Variants in NELL1 observed in about 807,000 individuals in gnomAD.
NELL1 encodes the protein neural EGFL like 1.
A neutral mutation model predicts 107.4 loss-of-function variants in NELL1; 76 were observed. That is an observed-to-expected ratio of 0.71 (90% CI 0.59 to 0.86). The LOEUF is 0.86. Among genes scored for constraint, NELL1 ranks in the 40% least tolerant of loss-of-function variants. The pLI, the probability that NELL1 is intolerant of heterozygous loss-of-function variation, is 0.00. For missense variants in NELL1, 1,024 were observed against 1,005.5 expected, an observed-to-expected ratio of 1.02 and a Z score of -0.25; for synonymous variants, 353 against 341.2, an observed-to-expected ratio of 1.03 and a Z score of -0.38.
chr11:20,938,311 T>C (rs1418885741), intron 10 of NELL1, among the ~76,000 whole-genome samples: 2 of 152,174 alleles, frequency 1.3e-5, no homozygotes, highest in African/African-American at 4.8e-5. Flanking sequence ...AGATCATAGA[T>C]CTCATTCAAT....
chr11:21,245,204 A>C (rs931853403), intron 14 of NELL1, among the ~76,000 whole-genome samples: 1 of 152,074 alleles, frequency 6.6e-6, no homozygotes, highest in South Asian at 2.1e-4. Context: ...AAAACTACTC[A>C]TAGTTTTCCA....
intron 2 of NELL1, among the ~76,000 whole-genome samples, chr11:20,739,925 G>C (rs1038469979): frequency 2.6e-5 from 4 of 152,150 alleles, no homozygotes; most frequent in Non-Finnish European, 5.9e-5. Context: ...TTACCCTCAA[G>C]CGCCATCGTT....
intron 15 of NELL1, among the ~76,000 whole-genome samples, chr11:21,455,910 G>A (rs1355541993): frequency 6.7e-6 from 1 of 148,228 alleles, no homozygotes; most frequent in Non-Finnish European, 1.5e-5. Flanking sequence ...TGTTTTTGAG[G>A]TGGAGTCTCG....
At chr11:21,215,075 T>G (rs1230441698) in intron 13 of NELL1, among the ~76,000 whole-genome samples, 1 of 152,184 alleles carries the variant, frequency 6.6e-6, no homozygotes, top group Admixed American at 6.5e-5. Flanking sequence ...TGAATTGTCA[T>G]TCCCATAATC....
At chr11:21,375,960 A>G (rs1851465839) in intron 15 of NELL1, among the ~76,000 whole-genome samples, 1 of 151,824 alleles carries the variant, frequency 6.6e-6, no homozygotes, top group Non-Finnish European at 1.5e-5. Flanking sequence ...CTTTGTTGGA[A>G]GCATAGTTTG....
intron 15 of NELL1, among the ~76,000 whole-genome samples, chr11:21,466,310 A>C (rs573107963): frequency 1.0e-3 from 156 of 152,256 alleles, no homozygotes; most frequent in Non-Finnish European, 1.6e-3. Flanking sequence ...CATAAGGGAT[A>C]GGTCTAGAGG....
chr11:20,993,023 CG>C (rs1173941690), intron 12 of NELL1, among the ~76,000 whole-genome samples: 1 of 152,032 alleles, frequency 6.6e-6, no homozygotes, highest in Non-Finnish European at 1.5e-5. Context: ...TTGTGTTAGG[CG>C]GTTTGTGGCA....
chr11:21,161,614 C>T (rs1321594048), intron 13 of NELL1, among the ~76,000 whole-genome samples: 3 of 151,994 alleles, frequency 2.0e-5, no homozygotes, highest in Non-Finnish European at 4.4e-5. Context: ...ACAGGACTGA[C>T]CAAATATAAT....
At chr11:21,463,026 T>G (rs1334037597) in intron 15 of NELL1, among the ~76,000 whole-genome samples, 1 of 152,054 alleles carries the variant, frequency 6.6e-6, no homozygotes, top group Non-Finnish European at 1.5e-5. Flanking sequence ...CCTTGAAATA[T>G]TCATTAAGAA....
chr11:21,158,385 C>T (rs978303910), intron 13 of NELL1, among the ~76,000 whole-genome samples: 4 of 152,168 alleles, frequency 2.6e-5, no homozygotes, highest in Non-Finnish European at 4.4e-5. Context: ...TTAGTCCTGT[C>T]TCTCTAGAGA....
intron 15 of NELL1, among the ~76,000 whole-genome samples, chr11:21,423,906 T>C (rs999281397): frequency 1.2e-4 from 19 of 152,080 alleles, no homozygotes; most frequent in Admixed American, 3.3e-4. Context: ...ACAAGGGAGA[T>C]TAGAAAATGC....
intron 15 of NELL1, among the ~76,000 whole-genome samples, chr11:21,475,794 T>TGTAA (rs1854316647): frequency 6.6e-6 from 1 of 152,198 alleles, no homozygotes; most frequent in South Asian, 2.1e-4. Context: ...GACAGCTTTT[T>TGTAA]GTAAGTGGAA....
intron 14 of NELL1, among the ~76,000 whole-genome samples, chr11:21,281,206 G>A (rs1056536578): frequency 1.3e-5 from 2 of 151,726 alleles, no homozygotes; most frequent in South Asian, 2.1e-4. Context: ...GACACCCCCC[G>A]AGCCAGAAGG....
At chr11:20,722,093 C>T (rs4922989) in intron 2 of NELL1, among the ~76,000 whole-genome samples, 105,936 of 147,302 alleles carry the variant, frequency 0.72, 40,469 homozygotes, top group East Asian at 0.94. Flanking sequence ...TGGATCTCAA[C>T]TCACTGCACC....
intron 13 of NELL1, among the ~76,000 whole-genome samples, chr11:21,140,378 A>C (rs77914209): frequency 5.3e-4 from 81 of 152,320 alleles, no homozygotes; most frequent in East Asian, 2.3e-3. Context: ...GTGCTATAGG[A>C]TGGGAATACA....
At chr11:21,436,289 G>A (rs559068254) in intron 15 of NELL1, among the ~76,000 whole-genome samples, 252 of 152,198 alleles carry the variant, frequency 1.7e-3, no homozygotes, top group South Asian at 3.1e-3. Context: ...TCTTGACCTC[G>A]TGGTCAGCCC....
intron 14 of NELL1, among the ~76,000 whole-genome samples, chr11:21,345,011 C>T (rs911864405): frequency 4.6e-5 from 7 of 152,126 alleles, no homozygotes; most frequent in Non-Finnish European, 1.5e-5. Context: ...ATAGTTTATG[C>T]AAATTGAACC....
At chr11:21,066,391 A>AT (rs2134370964) in intron 12 of NELL1, among the ~76,000 whole-genome samples, 1 of 152,286 alleles carries the variant, frequency 6.6e-6, no homozygotes, top group South Asian at 2.1e-4. Flanking sequence ...TAGCAGGATG[A>AT]TTTTTTGGCC....
At chr11:21,217,850 T>C (rs907305467) in intron 13 of NELL1, among the ~76,000 whole-genome samples, 3 of 152,090 alleles carry the variant, frequency 2.0e-5, no homozygotes, top group Admixed American at 6.6e-5. Context: ...TCCTGATTGG[T>C]TTACTAAGGA....
Sources: gnomAD v4.1 joint callset for allele counts (sites outside exome capture counted in the v4.1 genomes callset) on GRCh38, gnomAD v4.1.1 for gene constraint, MANE v1.5 for transcripts, NCBI Gene and HGNC (gene_info 2026-07-23, HGNC 2026-07-21) for gene names.